SPRYD7: variants seen among roughly 807,000 people sequenced by gnomAD.
SPRYD7 encodes the protein SPRY domain-containing protein 7.
A neutral mutation model predicts 23.8 loss-of-function variants in SPRYD7; 14 were observed. That is an observed-to-expected ratio of 0.59 (90% CI 0.39 to 0.92). The LOEUF is 0.92. Ranked by LOEUF, SPRYD7 falls within the 40% of genes least tolerant of loss-of-function variation. The probability of loss-of-function intolerance (pLI) is 0.00; values close to 1 mark genes in which losing one functional copy is unlikely to be tolerated. For synonymous variants in SPRYD7, 75 were observed against 84.9 expected, an observed-to-expected ratio of 0.88 and a Z score of 0.64; for missense variants, 194 against 241.7, an observed-to-expected ratio of 0.80 and a Z score of 1.31.
At chr13:49,915,821 A>T (rs1167439776) in intron 4 of SPRYD7, among the ~76,000 whole-genome samples, 1 of 152,252 alleles carries the variant, frequency 6.6e-6, no homozygotes, top group Non-Finnish European at 1.5e-5. Flanking sequence ...AAGGATAAAG[A>T]AATTGTGATA....
At chr13:49,934,389 T>C (rs1871516816) in intron 1 of SPRYD7, among the ~76,000 whole-genome samples, 1 of 151,764 alleles carries the variant, frequency 6.6e-6, no homozygotes, top group Non-Finnish European at 1.5e-5. Flanking sequence ...ACTCTGTCTC[T>C]ACTAAAAATA....
intron 1 of SPRYD7, 59 bp downstream of exon 1, chr13:49,936,071 C>T: frequency 7.4e-7 from 1 of 1,353,118 alleles, no homozygotes; most frequent in Non-Finnish European, 9.9e-7. Flanking sequence ...TGAAGGTCCC[C>T]CTGCCCGCCG....
At position 49,914,556 on chromosome 13, in the gene SPRYD7, G is replaced by A. The variant is rs892391887; in HGVS notation, c.*507C>T. The A allele has an allele frequency of 2.0e-5, 3 of 152,286 alleles. No individual in the cohort carries two copies. Among genetic ancestry groups the A allele is most frequent in the African/African-American group, 4.8e-5 (2 of 41,388 alleles). 9.4% of individuals were successfully genotyped at this position (152,286 alleles called of 1,614,324 possible). A position where few individuals can be genotyped will look rare whatever the true frequency, so the allele number is the denominator to read the frequency against. ...AAGCAATTTAAGTTTTAAGAAAAGC[G>A]GTACATGATACAGAAATAGACTGCC... On this transcript the variant is annotated 3_prime_UTR_variant, in exon 5 of 5. Coordinates refer to ENST00000361840, the MANE Select transcript of SPRYD7 (RefSeq NM_020456.4).
In SPRYD7 at chr13:49,936,276, G is replaced by T; in HGVS notation, c.-41C>A. 6.9e-7 allele frequency: 1 copy of T among 1,447,828 alleles called. No homozygotes were observed. Among genetic ancestry groups the T allele is most frequent in the Non-Finnish European group, 9.4e-7 (1 of 1,059,206 alleles). 89.7% of individuals were successfully genotyped at this position (1,447,828 alleles called of 1,614,324 possible). On this transcript the variant is annotated 5_prime_UTR_variant, in exon 1 of 5. Coordinates refer to ENST00000361840, the MANE Select transcript of SPRYD7 (RefSeq NM_020456.4). ...GACTCCGCCGCCGTCCCTAGACCGA[G>T]GCGACACTGCCCCCCGCCGCTCAGC...
At chr13:49,927,221 G>A (rs545381445) in intron 3 of SPRYD7, among the ~76,000 whole-genome samples, 54 of 152,220 alleles carry the variant, frequency 3.5e-4, no homozygotes, top group African/African-American at 1.3e-3. Flanking sequence ...GTGGCTAGGC[G>A]CGGTGGCTCA....
intron 3 of SPRYD7, among the ~76,000 whole-genome samples, chr13:49,925,073 G>A (rs1346808357): frequency 6.6e-6 from 1 of 151,108 alleles, no homozygotes; most frequent in African/African-American, 2.4e-5. Context: ...TTTAATCCTT[G>A]CCAGGCACTT....
rs1345741689 is a variant in SPRYD7 at position 49,933,906 on chromosome 13, G to A, written c.106+2224C>T. 3.9e-5 allele frequency among the ~76,000 whole-genome samples: 6 copies of A among 152,048 alleles called. No homozygotes were observed. The East Asian group carries it at 9.6e-4, about 24-fold the overall frequency. ...TGTCGATTCACAATTAAAAGCCAAA[G>A]ATATGGCATCAATGATAATACTTAC... On this transcript the variant is annotated intron_variant, in intron 1 of 4. Coordinates refer to ENST00000361840, the MANE Select transcript of SPRYD7 (RefSeq NM_020456.4).
At chr13:49,917,585 C>G (rs1242054245) in intron 4 of SPRYD7, among the ~76,000 whole-genome samples, 1 of 152,146 alleles carries the variant, frequency 6.6e-6, no homozygotes, top group Non-Finnish European at 1.5e-5. Flanking sequence ...TATTAAAACA[C>G]TTGGTTTAAT....
At chr13:49,918,719 TA>T (rs1175046590) in intron 4 of SPRYD7, among the ~76,000 whole-genome samples, 1 of 151,324 alleles carries the variant, frequency 6.6e-6, no homozygotes, top group Non-Finnish European at 1.5e-5. Flanking sequence ...TATTTTATTT[TA>T]TTTTTTTTTG....
intron 2 of SPRYD7, among the ~76,000 whole-genome samples, chr13:49,929,716 C>T (rs1053735871): frequency 1.3e-5 from 2 of 151,410 alleles, no homozygotes; most frequent in Non-Finnish European, 2.9e-5. Flanking sequence ...AGGCTGGTCT[C>T]AAATGCCTGA....
intron 3 of SPRYD7, among the ~76,000 whole-genome samples, chr13:49,922,932 A>G (rs1441098740): frequency 3.3e-5 from 5 of 152,198 alleles, no homozygotes; most frequent in Non-Finnish European, 7.3e-5. Flanking sequence ...CTCAATTCTT[A>G]GCAAAGCCAG....
chr13:49,931,466 C>T (rs1701690958), intron 1 of SPRYD7, among the ~76,000 whole-genome samples: 1 of 152,182 alleles, frequency 6.6e-6, no homozygotes, highest in Admixed American at 6.5e-5. Flanking sequence ...AGGCGTGAAG[C>T]ACCGCGCCTG....
intron 3 of SPRYD7, among the ~76,000 whole-genome samples, chr13:49,924,871 G>A (rs1438522995): frequency 6.6e-6 from 1 of 151,322 alleles, no homozygotes; most frequent in Non-Finnish European, 1.5e-5. Flanking sequence ...AGCTACTCAG[G>A]AGGCTGAGGC....
chr13:49,927,788 G>A, intron 3 of SPRYD7, 131 bp downstream of exon 3: 5 of 903,712 alleles, frequency 5.5e-6, no homozygotes, highest in Non-Finnish European at 8.4e-6. Flanking sequence ...CCTGGAAAAT[G>A]CACCATCTCA....
chr13:49,925,769 G>A (rs142109845), intron 3 of SPRYD7, among the ~76,000 whole-genome samples: 9 of 150,720 alleles, frequency 6.0e-5, no homozygotes, highest in East Asian at 3.9e-4. Flanking sequence ...CCAAGATAGC[G>A]CCACTGCACT....
intron 3 of SPRYD7, among the ~76,000 whole-genome samples, chr13:49,922,116 A>C (rs2138221326): frequency 6.6e-6 from 1 of 152,150 alleles, no homozygotes; most frequent in Middle Eastern, 3.4e-3. Flanking sequence ...TGTATTATCA[A>C]GGAAAAGCTG....
intron 3 of SPRYD7, among the ~76,000 whole-genome samples, chr13:49,923,250 T>A (rs1449322585): frequency 6.6e-6 from 1 of 152,074 alleles, no homozygotes; most frequent in Non-Finnish European, 1.5e-5. Flanking sequence ...GTTTGTTTTT[T>A]GTTTTTTTTT....
intron 1 of SPRYD7, among the ~76,000 whole-genome samples, chr13:49,931,507 A>G (rs1187375054): frequency 2.0e-5 from 3 of 152,104 alleles, no homozygotes; most frequent in African/African-American, 7.2e-5. Flanking sequence ...TCCAACAATC[A>G]GGATTAATTT....
chr13:49,929,177 G>A (rs1955918358), intron 2 of SPRYD7, among the ~76,000 whole-genome samples: 1 of 152,132 alleles, frequency 6.6e-6, no homozygotes, highest in Non-Finnish European at 1.5e-5. Context: ...AGGCACGGTG[G>A]CTTGAGCCTG....
Sources: allele counts gnomAD v4.1 joint callset (sites outside exome capture counted in the v4.1 genomes callset), GRCh38; gene constraint gnomAD v4.1.1; transcripts MANE v1.5; gene names NCBI Gene and HGNC (gene_info 2026-07-23, HGNC 2026-07-21).